DMD: variants seen among roughly 807,000 people sequenced by gnomAD.
The protein encoded by DMD is dystrophin.
Under a neutral mutation model 330.1 loss-of-function variants are expected in DMD, and 63 were observed. That is an observed-to-expected ratio of 0.19 (90% CI 0.16 to 0.24). DMD has a LOEUF of 0.24. Among genes scored for constraint, DMD ranks in the 10% least tolerant of loss-of-function variants. The pLI is 1.00. For synonymous variants in DMD, 1,223 were observed against 959.8 expected (o/e 1.27, Z -5.07); for missense variants, 3,344 against 2,684.1 (o/e 1.25, Z -5.43).
intron 60 of DMD, among the ~76,000 whole-genome samples, chrX:31,395,343 C>G (rs1272272743): frequency 8.9e-6 from 1 of 112,329 alleles, no homozygotes; most frequent in African/African-American, 3.2e-5. Context: ...TTTCAAATTA[C>G]TTCGTTCATT....
intron 1 of DMD, among the ~76,000 whole-genome samples, chrX:33,072,110 T>C (rs1379677254): frequency 1.8e-5 from 2 of 111,992 alleles, no homozygotes; most frequent in African/African-American, 6.5e-5. Flanking sequence ...TCCAAAGGCA[T>C]GTGATGGTTA....
In DMD at chrX:31,532,183, T is replaced by C. The variant is rs775363453; in HGVS notation, c.8218-24730A>G. Among the ~76,000 whole-genome samples the C allele has an allele frequency of 1.7e-3, 169 of 99,601 alleles. 16 individuals are homozygous for C. Among genetic ancestry groups the C allele is most frequent in the African/African-American group, 6.2e-3 (157 of 25,329 alleles). 86.5% of individuals were successfully genotyped at this position (99,601 alleles called of 115,157 possible). A position where few individuals can be genotyped will look rare whatever the true frequency, so the allele number is the denominator to read the frequency against. On this transcript the variant is annotated intron_variant, in intron 55 of 78. Transcript: ENST00000357033. Reference sequence around the variant, plus strand: ...AGAGCAACTCCAAGACACATAATTGTCAGATTCACCAAGTTGAAATGAAGG... The same window carrying C: ...AGAGCAACTCCAAGACACATAATTGCCAGATTCACCAAGTTGAAATGAAGG...
At chrX:33,299,678 GT>G (rs1271678174) in intron 1 of DMD, among the ~76,000 whole-genome samples, 3 of 111,918 alleles carry the variant, frequency 2.7e-5, no homozygotes, top group Non-Finnish European at 5.6e-5. Context: ...AATGGAATAT[GT>G]TTTTCTAGCC....
intron 2 of DMD, among the ~76,000 whole-genome samples, chrX:32,995,205 A>G (rs1414965677): frequency 8.9e-6 from 1 of 112,745 alleles, no homozygotes; most frequent in Non-Finnish European, 1.9e-5. Context: ...CATCTGTATG[A>G]CATCTCTGTT....
upstream of DMD, among the ~76,000 whole-genome samples, chrX:33,215,847 G>A (rs1254877810): frequency 9.0e-6 from 1 of 111,421 alleles, no homozygotes; most frequent in African/African-American, 3.3e-5. Context: ...GTGTCGCTTT[G>A]TTTCTGGGTT....
chrX:31,770,044 A>G (rs2090244785), intron 51 of DMD, among the ~76,000 whole-genome samples: 1 of 112,108 alleles, frequency 8.9e-6, no homozygotes, highest in Non-Finnish European at 1.9e-5. Flanking sequence ...CAGGATGGAG[A>G]AAAGAGAGTA....
intron 30 of DMD, among the ~76,000 whole-genome samples, chrX:32,406,714 C>A (rs935222565): frequency 1.8e-5 from 2 of 110,665 alleles, no homozygotes; most frequent in African/African-American, 6.6e-5. Context: ...CTAAAATTCT[C>A]TTTTTCTGTA....
At chrX:31,539,221 A>G (rs1344094004) in intron 55 of DMD, among the ~76,000 whole-genome samples, 1 of 111,540 alleles carries the variant, frequency 9.0e-6, no homozygotes, top group Admixed American at 9.5e-5. Flanking sequence ...CGAGACAGAA[A>G]CGGAAGCCAT....
In DMD at chrX:31,957,248, T is replaced by G. The variant is rs758190691; in HGVS notation, c.6614+11091A>C. Among the ~76,000 whole-genome samples the G allele has an allele frequency of 7.1e-5, 8 of 112,191 alleles. No individual in the cohort carries two copies. In the South Asian group the frequency reaches 3.0e-3, roughly 42 times the overall value. On this transcript the variant is annotated intron_variant, in intron 45 of 78. Coordinates refer to ENST00000357033, the MANE Select transcript of DMD (RefSeq NM_004006.3). ...GTTTAGGAATGGGAACAGGTCTGTA[T>G]CTTTCTCCTAAAGTCCGTTTCCGCT... is the stretch of plus-strand genomic sequence containing the variant.
intron 43 of DMD, among the ~76,000 whole-genome samples, chrX:32,234,363 G>C (rs1297701247): frequency 9.0e-6 from 1 of 111,443 alleles, no homozygotes; most frequent in Non-Finnish European, 1.9e-5. Flanking sequence ...TGTGACATTT[G>C]ACATTTAAAA....
At chrX:32,327,681 T>C (rs2097658181) in intron 41 of DMD, among the ~76,000 whole-genome samples, 1 of 111,527 alleles carries the variant, frequency 9.0e-6, no homozygotes, top group South Asian at 3.7e-4. Context: ...TCTCTGTCAA[T>C]GTTCCAGGAA....
At chrX:33,023,217 A>G (rs914222535) in intron 1 of DMD, among the ~76,000 whole-genome samples, 5 of 111,782 alleles carry the variant, frequency 4.5e-5, no homozygotes, top group African/African-American at 1.6e-4. Flanking sequence ...TTTCTTTTTC[A>G]CTTATTTTAT....
intron 41 of DMD, among the ~76,000 whole-genome samples, chrX:32,332,655 C>A (rs1161623484): frequency 9.1e-6 from 1 of 109,950 alleles, no homozygotes; most frequent in Non-Finnish European, 1.9e-5. Flanking sequence ...AGAGATAAGG[C>A]CTGAGTTAAG....
At chrX:32,515,755 G>C (rs756088627) in intron 18 of DMD, among the ~76,000 whole-genome samples, 11 of 111,508 alleles carry the variant, frequency 9.9e-5, no homozygotes, top group Non-Finnish European at 2.1e-4. Flanking sequence ...CCTGGAAAAT[G>C]TTCAAAGGCA....
chrX:32,870,502 T>G (rs769197256), intron 2 of DMD, among the ~76,000 whole-genome samples: 1 of 111,874 alleles, frequency 8.9e-6, no homozygotes, highest in South Asian at 3.8e-4. Context: ...ATAACAAAGC[T>G]AGAAGCCTAA....
At chrX:32,687,643 T>G (rs979067203) in intron 9 of DMD, among the ~76,000 whole-genome samples, 3 of 111,765 alleles carry the variant, frequency 2.7e-5, no homozygotes, top group Non-Finnish European at 5.6e-5. Context: ...CCACCAGGCA[T>G]GTTAGTGAAG....
At chrX:32,574,227 C>T (rs928944317) in intron 13 of DMD, among the ~76,000 whole-genome samples, 2 of 111,899 alleles carry the variant, frequency 1.8e-5, no homozygotes, top group Non-Finnish European at 3.8e-5. Context: ...AGTCTAACTA[C>T]TAAATAGAAT....
chrX:32,774,736 T>G (rs1189145241), intron 7 of DMD, among the ~76,000 whole-genome samples: 2 of 111,212 alleles, frequency 1.8e-5, no homozygotes, highest in East Asian at 5.7e-4. Context: ...GATTACAATT[T>G]GAGACAAAAT....
chrX:32,438,383 T>G lies in DMD; in HGVS notation c.3929A>C (p.Glu1310Ala), dbSNP rs2148194722. The G allele has an allele frequency of 8.3e-7, 1 of 1,211,458 alleles. No individual in the cohort carries two copies. The highest frequency in any genetic ancestry group is 3.0e-5 in the East Asian group (1 of 33,774). ...ATCCTCTGAATGTCGCATCAAATTT[T>G]CAAGTGACTGAAACACATTTGCAAT... ...EEISEVLDSL[E>A]NLMRHSEDNP... The change falls in exon 29 of 79, where the codon GAA becomes GCA. Residue 1310 changes from glutamate to alanine, a missense_variant. By Grantham distance (107) the Glu-to-Ala change is moderately radical. Transcript: ENST00000357033.
Sources: allele counts gnomAD v4.1 joint callset (sites outside exome capture counted in the v4.1 genomes callset), GRCh38; gene constraint gnomAD v4.1.1; transcripts MANE v1.5; gene names NCBI Gene and HGNC (gene_info 2026-07-23, HGNC 2026-07-21).